The following RORA variants were observed in gnomAD, a reference collection of about 807,000 sequenced individuals.
The protein encoded by RORA is nuclear receptor ROR-alpha.
RORA carries 7 observed loss-of-function variants against 69.5 expected under a neutral mutation model. The observed-to-expected ratio is 0.10, with a 90% CI of 0.06 to 0.19. The LOEUF (loss-of-function observed/expected upper bound fraction) is 0.19. Ranked by LOEUF, RORA falls within the 10% of genes least tolerant of loss-of-function variation. The pLI is 1.00. For missense variants in RORA, 457 were observed against 663.0 expected (o/e 0.69, Z 3.41); for synonymous variants, 261 against 240.8 (o/e 1.08, Z -0.78).
intron 1 of RORA, among the ~76,000 whole-genome samples, chr15:60,823,427 G>T (rs933476307): frequency 6.6e-6 from 1 of 152,124 alleles, no homozygotes; most frequent in Non-Finnish European, 1.5e-5. Context: ...TTATACACTT[G>T]TTTATTTTAT....
chr15:60,917,319 TG>T, intron 1 of RORA, among the ~76,000 whole-genome samples: 1 of 152,260 alleles, frequency 6.6e-6, no homozygotes, highest in East Asian at 1.9e-4. Flanking sequence ...TAGCTTTGTT[TG>T]TTACTATGGT....
intron 1 of RORA, chr15:60,706,184 A>T (rs1448800254): frequency 6.6e-6 from 1 of 152,222 alleles, no homozygotes; most frequent in Non-Finnish European, 1.5e-5. Context: ...AGCTGGGCTC[A>T]TGTAGCATGA....
At chr15:61,143,625 T>C (rs1409757637) in intron 1 of RORA, among the ~76,000 whole-genome samples, 2 of 152,166 alleles carry the variant, frequency 1.3e-5, no homozygotes, top group African/African-American at 2.4e-5. Context: ...ATAATGCACA[T>C]AGAAACATTT....
intron 2 of RORA, among the ~76,000 whole-genome samples, chr15:60,579,056 C>A (rs572312204): frequency 2.7e-5 from 4 of 148,784 alleles, no homozygotes; most frequent in Non-Finnish European, 5.9e-5. Context: ...TGTGAGCCAC[C>A]GCGCCCGGTT....
intron 7 of RORA, among the ~76,000 whole-genome samples, chr15:60,503,271 AC>A (rs1328434719): frequency 6.6e-6 from 1 of 152,176 alleles, no homozygotes; most frequent in Non-Finnish European, 1.5e-5. Flanking sequence ...GAGTGTAGAA[AC>A]AAAACACACG....
intron 1 of RORA, among the ~76,000 whole-genome samples, chr15:60,769,273 T>A (rs1371119769): frequency 2.0e-5 from 3 of 152,246 alleles, no homozygotes; most frequent in African/African-American, 7.2e-5. Flanking sequence ...GATAACTGTC[T>A]CGATAAGCCT....
intron 1 of RORA, among the ~76,000 whole-genome samples, chr15:61,129,920 ATGT>A (rs2079175984): frequency 6.6e-6 from 1 of 152,226 alleles, no homozygotes; most frequent in Non-Finnish European, 1.5e-5. Context: ...AGGGTTTCCA[ATGT>A]ATTCCATTTC....
At chr15:61,118,234 A>G (rs2079067795) in intron 1 of RORA, among the ~76,000 whole-genome samples, 1 of 152,140 alleles carries the variant, frequency 6.6e-6, no homozygotes, top group South Asian at 2.1e-4. Flanking sequence ...AAGTTTTCTT[A>G]AGGAAGGTGA....
At chr15:61,080,776 A>G (rs1385999080) in intron 1 of RORA, among the ~76,000 whole-genome samples, 1 of 152,196 alleles carries the variant, frequency 6.6e-6, no homozygotes, top group Non-Finnish European at 1.5e-5. Context: ...TGCAGTTCAG[A>G]TGTTTATACC....
chr15:60,732,517 C>A (rs1470823847), intron 1 of RORA, among the ~76,000 whole-genome samples: 6 of 152,066 alleles, frequency 3.9e-5, no homozygotes, highest in African/African-American at 1.2e-4. Flanking sequence ...AAGTTGTCCT[C>A]AAAAAAATTA....
At chr15:60,759,041 C>T (rs868162171) in intron 1 of RORA, among the ~76,000 whole-genome samples, 37 of 152,208 alleles carry the variant, frequency 2.4e-4, no homozygotes, top group African/African-American at 8.4e-4. Flanking sequence ...TTTCTCCTTG[C>T]TACACCTTGA....
intron 2 of RORA, among the ~76,000 whole-genome samples, chr15:60,573,573 C>T (rs948693948): frequency 1.3e-5 from 2 of 152,210 alleles, no homozygotes; most frequent in African/African-American, 4.8e-5. Flanking sequence ...GAACAACTCC[C>T]GTAGAATGAG....
chr15:60,596,480 G>A (rs2068668467), intron 2 of RORA, among the ~76,000 whole-genome samples: 1 of 152,002 alleles, frequency 6.6e-6, no homozygotes, highest in Admixed American at 6.6e-5. Context: ...TAGAGCCAGG[G>A]GACCAAGTTT....
At chr15:61,028,195 C>T (rs779396676) in intron 1 of RORA, among the ~76,000 whole-genome samples, 1 of 152,282 alleles carries the variant, frequency 6.6e-6, no homozygotes, top group East Asian at 1.9e-4. Flanking sequence ...GTTACTTCTA[C>T]ATTTTTGCAA....
intron 1 of RORA, among the ~76,000 whole-genome samples, chr15:60,760,365 T>C (rs1030875223): frequency 1.3e-5 from 2 of 152,188 alleles, no homozygotes; most frequent in African/African-American, 4.8e-5. Flanking sequence ...TTAATTTACT[T>C]GGAATAATTC....
intron 1 of RORA, among the ~76,000 whole-genome samples, chr15:60,966,143 C>T (rs543432419): frequency 6.6e-6 from 1 of 152,288 alleles, no homozygotes; most frequent in Admixed American, 6.5e-5. Context: ...CTCCCTCTTT[C>T]TTCATATCAC....
chr15:60,999,947 C>T (rs1053509755), intron 1 of RORA, among the ~76,000 whole-genome samples: 1 of 152,038 alleles, frequency 6.6e-6, no homozygotes, highest in Non-Finnish European at 1.5e-5. Flanking sequence ...AATTAATCTG[C>T]CCCTTTCCCC....
chr15:61,117,246 T>C (rs1196323612), intron 1 of RORA, among the ~76,000 whole-genome samples: 2 of 151,350 alleles, frequency 1.3e-5, no homozygotes, highest in Non-Finnish European at 2.9e-5. Context: ...CTCTCCAGGA[T>C]TGCAAGGCAC....
chr15:60,727,597 G>T (rs542996572), intron 1 of RORA, among the ~76,000 whole-genome samples: 16 of 152,086 alleles, frequency 1.1e-4, no homozygotes, highest in African/African-American at 3.9e-4. Context: ...AGATTTCAGG[G>T]GTCCCAGGGT....
Sources: allele counts gnomAD v4.1 joint callset (sites outside exome capture counted in the v4.1 genomes callset), GRCh38; gene constraint gnomAD v4.1.1; transcripts MANE v1.5; gene names NCBI Gene and HGNC (gene_info 2026-07-23, HGNC 2026-07-21).